The following SLC66A2 variants were observed in gnomAD, a reference collection of about 807,000 sequenced individuals.
SLC66A2 encodes solute carrier family 66 member 2.
Under a neutral mutation model 25.5 loss-of-function variants are expected in SLC66A2, and 23 were observed. That is an observed-to-expected ratio of 0.90 (90% CI 0.65 to 1.28). The LOEUF is 1.28. Ranked by LOEUF, SLC66A2 falls within the 50% of genes most tolerant of loss-of-function variation. The pLI is 0.00. For missense variants in SLC66A2, 396 were observed against 373.1 expected, an observed-to-expected ratio of 1.06 and a Z score of -0.51; for synonymous variants, 193 against 166.5, an observed-to-expected ratio of 1.16 and a Z score of -1.23.
At chr18:79,949,857 AAG>A (rs755036054) in intron 2 of SLC66A2, 3 of 152,258 alleles carry the variant, frequency 2.0e-5, no homozygotes, top group Admixed American at 6.5e-5. Context: ...ACCCAGAAGA[AAG>A]AAAAATTTCA....
chr18:79,951,252 C>A (rs1204705715), intron 1 of SLC66A2, among the ~76,000 whole-genome samples: 1 of 151,378 alleles, frequency 6.6e-6, no homozygotes, highest in African/African-American at 2.4e-5. Flanking sequence ...CGAGGACGGG[C>A]GAAGCCCCTG....
chr18:79,914,167 G>A (rs1983638786), intron 5 of SLC66A2, among the ~76,000 whole-genome samples: 1 of 152,218 alleles, frequency 6.6e-6, no homozygotes, highest in Non-Finnish European at 1.5e-5. Flanking sequence ...GCCTCCCAAA[G>A]TGCTGGGATT....
At position 79,933,951 on chromosome 18, in the gene SLC66A2, CA is replaced by C; in HGVS notation, c.391+17del. 6.2e-7 allele frequency: 1 copy of C among 1,607,548 alleles called. No homozygotes were observed. Among genetic ancestry groups the C allele is most frequent in the Non-Finnish European group, 8.5e-7 (1 of 1,176,622 alleles). ...CAAAAGGAACGTGCTGCGGACAGTG[CA>C]CGCGCAGGGTACATACCCAGGAAGG... is the stretch of plus-strand genomic sequence containing the variant. On this transcript the variant is annotated intron_variant, in intron 4 of 5. Coordinates refer to ENST00000397778, the MANE Select transcript of SLC66A2 (RefSeq NM_025078.5).
At position 79,903,872 on chromosome 18, in the gene SLC66A2, C is replaced by A; in HGVS notation, c.*104G>T. The A allele has an allele frequency of 9.5e-7, 1 of 1,054,146 alleles. No homozygotes were observed. The allele number at this position is 1,054,146 out of a possible 1,614,324, so 65.3% of individuals were successfully genotyped here. ...GGAGACCCCAATGCCCATGCCCCATCTCTGCCACACCTGCAGGGGCCACAG... is the reference window on the plus strand; with the variant it reads ...GGAGACCCCAATGCCCATGCCCCATATCTGCCACACCTGCAGGGGCCACAG... On this transcript the variant is annotated 3_prime_UTR_variant, in exon 6 of 6. Coordinates refer to ENST00000397778, the MANE Select transcript of SLC66A2 (RefSeq NM_025078.5).
rs1475114756 is a variant in SLC66A2 at position 79,937,150 on chromosome 18, G to T, written c.338-3128C>A. Among the ~76,000 whole-genome samples the T allele has an allele frequency of 1.3e-5, 2 of 152,138 alleles. No individual in the cohort carries two copies. The highest frequency in any genetic ancestry group is 2.9e-5 in the Non-Finnish European group (2 of 68,032). On this transcript the variant is annotated intron_variant, in intron 3 of 5. Coordinates refer to ENST00000397778, the MANE Select transcript of SLC66A2 (RefSeq NM_025078.5). This position sits in a 1 kb window ranked among gnomAD's most constrained non-coding sequence, Gnocchi z 5.4. ...AAAAAGCCAAAAAATCAACCTGTAG[G>T]CCAACCCTCACACATGCCTAGGCCG...
chr18:79,918,167 A>C lies in SLC66A2; in HGVS notation c.608+1017T>G, dbSNP rs977746478. ...ACCTCTGCCCACACGCCAAACCTGCAAATACTCAGAGGTCTCTGAAAGCCC... is the reference window on the plus strand; with the variant it reads ...ACCTCTGCCCACACGCCAAACCTGCCAATACTCAGAGGTCTCTGAAAGCCC... On this transcript the variant is annotated intron_variant, in intron 5 of 5. Coordinates refer to ENST00000397778, the MANE Select transcript of SLC66A2 (RefSeq NM_025078.5). The surrounding 1 kb of genome is among the most constrained non-coding windows in gnomAD (Gnocchi z 4.0). Among the ~76,000 whole-genome samples, 15 of 152,162 alleles carry C rather than the reference A, an allele frequency of 9.9e-5. No individual in the cohort carries two copies. The highest frequency in any genetic ancestry group is 1.3e-4 in the Admixed American group (2 of 15,280).
chr18:79,911,243 T>C (rs1049793743), intron 5 of SLC66A2, among the ~76,000 whole-genome samples: 3 of 152,210 alleles, frequency 2.0e-5, no homozygotes, highest in African/African-American at 7.2e-5. Flanking sequence ...GAGGGGCCAG[T>C]GGGGGCCTGG....
rs761868925 is a variant in SLC66A2, at chr18:79,943,321, C to CGT, written c.337+7_337+8insAC. 145 of 1,613,270 alleles carry CGT rather than the reference C, an allele frequency of 9.0e-5. 1 individual carries two copies. In the African/African-American group the frequency reaches 1.7e-3, roughly 19 times the overall value. ...CTGCGACTTTATTCCGAAGCGCCGG[C>CGT]CACCAACCTGTAAAGGAGCGGCGCC... is the stretch of plus-strand genomic sequence containing the variant. On this transcript the variant is annotated splice_region_variant and intron_variant, in intron 3 of 5. Transcript: ENST00000397778.
chr18:79,917,021 T>C lies in SLC66A2; in HGVS notation c.608+2163A>G, dbSNP rs975176771. 1.3e-5 allele frequency among the ~76,000 whole-genome samples: 2 copies of C among 152,262 alleles called. No homozygotes were observed. Among genetic ancestry groups the C allele is most frequent in the Non-Finnish European group, 2.9e-5 (2 of 68,038 alleles). On this transcript the variant is annotated intron_variant, in intron 5 of 5. Coordinates refer to ENST00000397778, the MANE Select transcript of SLC66A2 (RefSeq NM_025078.5). The surrounding 1 kb of genome is among the most constrained non-coding windows in gnomAD (Gnocchi z 6.0). ...TCGGTGCTGGGGAGACGCCTGCACA[T>C]GGAAGTGTGTGTGCTGCTTGTGGTG... is the stretch of plus-strand genomic sequence containing the variant.
rs1272238171 is a variant in SLC66A2 at position 79,902,520 on chromosome 18, C to A, written c.*1456G>T. 6.6e-6 allele frequency: 1 copy of A among 152,296 alleles called. No individual in the cohort carries two copies. Among genetic ancestry groups the A allele is most frequent in the Non-Finnish European group, 1.5e-5 (1 of 68,062 alleles). 9.4% of individuals were successfully genotyped at this position (152,296 alleles called of 1,614,324 possible). A position where few individuals can be genotyped will look rare whatever the true frequency, so the allele number is the denominator to read the frequency against. ...GCGACAGTTTAATGTGAGGCAATTA[C>A]CGCTACAGACATCTTGCTTCATCTT... On this transcript the variant is annotated 3_prime_UTR_variant, in exon 6 of 6. Transcript: ENST00000397778.
intron 4 of SLC66A2, chr18:79,930,226 A>G (rs1986425523): frequency 1.3e-5 from 2 of 152,236 alleles, no homozygotes; most frequent in Admixed American, 6.5e-5. Flanking sequence ...TTTATCACTT[A>G]CAAGGAAACC....
rs1156357112 is a variant in SLC66A2, at chr18:79,919,261, C to G, written c.531G>C (p.Leu177=). ...SALFVETLGF[L]AVLTEAMLGV... ...CCAGCATGGCTTCGGTCAGCACAGC[C>G]AGGAAGCCCAGGGTCTCCACAAACA... Residue 177 remains leucine (L), a synonymous_variant, in exon 5 of 6, where the codon CTG becomes CTC. Transcript: ENST00000397778. 6.2e-6 allele frequency: 10 copies of G among 1,613,194 alleles called. No individual in the cohort carries two copies. In the East Asian group the frequency reaches 2.2e-4, roughly 36 times the overall value.
intron 2 of SLC66A2, among the ~76,000 whole-genome samples, chr18:79,949,040 C>G (rs542304799): frequency 6.6e-6 from 1 of 152,346 alleles, no homozygotes; most frequent in South Asian, 2.1e-4. Flanking sequence ...CAGATGCAGC[C>G]TGGCCCAGAG....
In SLC66A2 at chr18:79,918,429, G is replaced by A. The variant is rs1025136107; in HGVS notation, c.608+755C>T. 2.7e-5 allele frequency among the ~76,000 whole-genome samples: 4 copies of A among 147,866 alleles called. No individual in the cohort carries two copies. Among genetic ancestry groups the A allele is most frequent in the African/African-American group, 2.5e-5 (1 of 40,052 alleles). ...CAGTGAGGAGCGGGCCCGGGGGGGG[G>A]TCCCCAGTGAGGAGCGGGCACCGGG... is the stretch of plus-strand genomic sequence containing the variant. On this transcript the variant is annotated intron_variant, in intron 5 of 5. Transcript: ENST00000397778. This position sits in a 1 kb window ranked among gnomAD's most constrained non-coding sequence, Gnocchi z 4.0.
At chr18:79,919,507 G>T in intron 4 of SLC66A2, 107 bp from the exon 5 acceptor site, 2 of 725,428 alleles carry the variant, frequency 2.8e-6, no homozygotes, top group Non-Finnish European at 2.4e-6. Context: ...TCAGTGGGGA[G>T]AGACAGGAAC....
intron 2 of SLC66A2, among the ~76,000 whole-genome samples, chr18:79,944,951 GC>G (rs200644173): frequency 0.11 from 13,716 of 129,722 alleles, 1,261 homozygotes; most frequent in Middle Eastern, 0.2. Context: ...TCAACACAGA[GC>G]AGAAGCAGGG....
chr18:79,923,559 A>G (rs903899699), intron 4 of SLC66A2, among the ~76,000 whole-genome samples: 5 of 152,178 alleles, frequency 3.3e-5, no homozygotes, highest in African/African-American at 1.2e-4. Flanking sequence ...ATGAACCTGG[A>G]TGCTTACCTT....
At chr18:79,934,056 G>T in intron 3 of SLC66A2, 34 bp from the exon 4 acceptor site, 2 of 1,584,310 alleles carry the variant, frequency 1.3e-6, no homozygotes, top group African/African-American at 2.7e-5. Flanking sequence ...AAACAGAAAG[G>T]GGAAAAAGAC....
intron 3 of SLC66A2, among the ~76,000 whole-genome samples, 186 bp from the exon 4 acceptor site, chr18:79,934,208 T>C (rs1365410890): frequency 2.6e-5 from 4 of 152,040 alleles, no homozygotes; most frequent in Non-Finnish European, 5.9e-5. Context: ...TTCTGAACTA[T>C]TTTTCTGCAA....
Sources: gnomAD v4.1 joint callset for allele counts (sites outside exome capture counted in the v4.1 genomes callset) on GRCh38, gnomAD v4.1.1 for gene constraint, Gnocchi (gnomAD v3.1) non-coding constraint, MANE v1.5 for transcripts, NCBI Gene and HGNC (gene_info 2026-07-23, HGNC 2026-07-21) for gene names.